Variants in BRPF3 observed in about 807,000 individuals in gnomAD.
The protein encoded by BRPF3 is bromodomain and PHD finger containing 3, also known as bromodomain and PHD finger-containing protein 3.
A neutral mutation model predicts 102.0 loss-of-function variants in BRPF3; 18 were observed. The ratio of observed to expected loss-of-function variants is 0.18; its 90% CI spans 0.12 to 0.26. The LOEUF is 0.26. BRPF3 is among the 10% of genes least tolerant of loss of function. BRPF3 has a pLI of 1.00. For synonymous variants in BRPF3, 570 were observed against 614.2 expected (o/e 0.93, Z 1.06); for missense variants, 1,147 against 1,567.8 (o/e 0.73, Z 4.53).
chr6:36,206,469 CT>C (rs1199382140), intron 3 of BRPF3, among the ~76,000 whole-genome samples: 3 of 152,226 alleles, frequency 2.0e-5, no homozygotes, highest in Admixed American at 2.0e-4. Context: ...AGTTAAGGCT[CT>C]TTTGCCTTAC....
At chr6:36,223,712 C>T (rs1022740081) in intron 10 of BRPF3, among the ~76,000 whole-genome samples, 1 of 152,070 alleles carries the variant, frequency 6.6e-6, no homozygotes, top group Non-Finnish European at 1.5e-5. Context: ...CTTAACCATT[C>T]TATTGTTAGG....
rs756882370 is a variant in BRPF3 at position 36,210,356 on chromosome 6, T to C, written c.2007T>C (p.Asn669=). 9.9e-6 allele frequency: 16 copies of C among 1,614,056 alleles called. No homozygotes were observed. In the East Asian group the frequency reaches 3.6e-4, roughly 36 times the overall value. Residue 669 remains asparagine (N), a synonymous_variant, in exon 6 of 13, where the codon AAT becomes AAC. Transcript: ENST00000357641. This position sits in a 1 kb window ranked among gnomAD's most constrained non-coding sequence, Gnocchi z 4.7. ...TAGTTACCAACTGCATGAAGTATAA[T>C]GCTAAAGACACAATTTTCCACCGAG... is the stretch of plus-strand genomic sequence containing the variant. The part of the protein sequence containing the change: ...NLIVTNCMKY[N]AKDTIFHRAA...
Position 36,210,825 on chromosome 6 carries a change from C to T in BRPF3, c.2179+297C>T, listed in dbSNP as rs1768079544. Among the ~76,000 whole-genome samples, 3 of 152,320 alleles carry T rather than the reference C, an allele frequency of 2.0e-5. 1 individual carries two copies. The highest frequency in any genetic ancestry group is 4.4e-5 in the Non-Finnish European group (3 of 68,022). On this transcript the variant is annotated intron_variant, in intron 6 of 12. Coordinates refer to ENST00000357641, the MANE Select transcript of BRPF3 (RefSeq NM_015695.3). The surrounding 1 kb of genome is among the most constrained non-coding windows in gnomAD (Gnocchi z 4.7). The stretch of plus-strand genomic sequence containing the variant: ...CCTCTCTTGGATCCCCTCTGTATGG[C>T]ATTGGAGCATGGGACAGGGAGAGTG...
Position 36,209,835 on chromosome 6 carries a change from G to A in BRPF3, c.1786G>A (p.Val596Ile), listed in dbSNP as rs894731127. The A allele has an allele frequency of 3.7e-6, 6 of 1,614,100 alleles. No individual in the cohort carries two copies. Among genetic ancestry groups the A allele is most frequent in the African/African-American group, 2.7e-5 (2 of 74,938 alleles). Residue 596 changes from valine (V) to isoleucine (I), a missense_variant, in exon 5 of 13, where the codon GTT becomes ATT. By Grantham distance (29) the Val-to-Ile change is conservative. Around this residue, in one of 11 missense-constraint regions of BRPF3, gnomAD observed 44 missense variants for 38.6 expected, o/e 1.14. Coordinates refer to ENST00000357641, the MANE Select transcript of BRPF3 (RefSeq NM_015695.3). ...AMELELMPFN[V>I]LLRTTLDLLQ... The stretch of plus-strand genomic sequence containing the variant: ...GGAGCTGGAGCTGATGCCATTCAAT[G>A]TTCTGTTGAGGACAACACTGGACCT...
In BRPF3 at chr6:36,218,065, C is replaced by G; in HGVS notation, c.3083+55C>G. 3 of 1,455,588 alleles carry G rather than the reference C, an allele frequency of 2.1e-6. No individual in the cohort carries two copies. The East Asian group carries it at 7.1e-5, about 34-fold the overall frequency. 90.2% of individuals were successfully genotyped at this position (1,455,588 alleles called of 1,614,324 possible). ...CAGCTCTGCTACCCCTCCTTTTACT[C>G]TCCATTCAGCTACAGATTGAACCTC... is the stretch of plus-strand genomic sequence containing the variant. On this transcript the variant is annotated intron_variant, in intron 9 of 12. Transcript: ENST00000357641.
intron 1 of BRPF3, 200 bp downstream of exon 1, chr6:36,197,170 AC>A (rs781439110): frequency 2.4e-4 from 36 of 147,056 alleles, no homozygotes; most frequent in African/African-American, 8.6e-4. Context: ...AGAAGCGAGG[AC>A]CCCCTCCCGC....
At chr6:36,206,865 A>G (rs939069005) in intron 3 of BRPF3, among the ~76,000 whole-genome samples, 4 of 151,966 alleles carry the variant, frequency 2.6e-5, no homozygotes, top group Admixed American at 6.5e-5. Context: ...CCTGACTCCA[A>G]CTGTAATTTT....
At chr6:36,197,083 G>A (rs1767518311) in intron 1 of BRPF3, 113 bp downstream of exon 1, 2 of 152,392 alleles carry the variant, frequency 1.3e-5, no homozygotes, top group East Asian at 1.9e-4. Context: ...TCCGAGCAGG[G>A]CGGGGGCGGT....
chr6:36,222,433 C>CT (rs11353386), intron 10 of BRPF3, among the ~76,000 whole-genome samples, 168 bp downstream of exon 10: 2 of 147,462 alleles, frequency 1.4e-5, no homozygotes, highest in Non-Finnish European at 3.0e-5. Flanking sequence ...CAATCATACT[C>CT]TTTTTTTTTT....
chr6:36,201,267 T>C lies in BRPF3; in HGVS notation c.945T>C (p.Asn315=). 1 of 1,614,112 alleles carries C rather than the reference T, an allele frequency of 6.2e-7. No homozygotes were observed. The highest frequency in any genetic ancestry group is 8.5e-7 in the Non-Finnish European group (1 of 1,180,028). ...VFLEPIEGID[N]IPPARWKLTC... ...TGGAACCTATTGAGGGCATTGACAA[T>C]ATCCCGCCTGCCCGCTGGAAACTAA... Residue 315 remains asparagine, a synonymous_variant, in exon 2 of 13, where the codon AAT becomes AAC. Transcript: ENST00000357641. The surrounding 1 kb of genome is among the most constrained non-coding windows in gnomAD (Gnocchi z 5.1).
At chr6:36,206,487 A>G (rs1161088691) in intron 3 of BRPF3, among the ~76,000 whole-genome samples, 7 of 152,168 alleles carry the variant, frequency 4.6e-5, no homozygotes, top group Non-Finnish European at 1.0e-4. Flanking sequence ...TTACATTTGA[A>G]GCTTCTTATT....
Position 36,232,628 on chromosome 6 carries a change from T to A in BRPF3, c.*2019T>A, listed in dbSNP as rs1444165518. The A allele has an allele frequency of 6.5e-6, 1 of 152,682 alleles. No homozygotes were observed. Among genetic ancestry groups the A allele is most frequent in the Admixed American group, 6.5e-5 (1 of 15,280 alleles). 9.5% of individuals were successfully genotyped at this position (152,682 alleles called of 1,614,324 possible). A position where few individuals can be genotyped will look rare whatever the true frequency, so the allele number is the denominator to read the frequency against. On this transcript the variant is annotated 3_prime_UTR_variant, in exon 13 of 13. Coordinates refer to ENST00000357641, the MANE Select transcript of BRPF3 (RefSeq NM_015695.3). ...TGCTCTATTTATTGTAGAGAGTGAC[T>A]TTATTTGCTTTCTAGAATTGTTTAT... is the stretch of plus-strand genomic sequence containing the variant.
intron 1 of BRPF3, chr6:36,197,187 C>T (rs1274579820): frequency 6.6e-6 from 1 of 152,192 alleles, no homozygotes; most frequent in African/African-American, 2.4e-5. Flanking sequence ...CCCGCAGCCG[C>T]CATCTTGTCT....
intron 1 of BRPF3, among the ~76,000 whole-genome samples, chr6:36,199,522 C>T (rs983189068): frequency 6.6e-6 from 1 of 152,318 alleles, no homozygotes; most frequent in Admixed American, 6.5e-5. Flanking sequence ...CACCTCTAGG[C>T]AGGGTCAAGG....
intron 10 of BRPF3, among the ~76,000 whole-genome samples, chr6:36,222,521 A>G (rs1768586970): frequency 6.6e-6 from 1 of 152,068 alleles, no homozygotes; most frequent in South Asian, 2.1e-4. Context: ...AGAGTGTATA[A>G]TGAAAGCTAG....
intron 1 of BRPF3, chr6:36,197,545 C>A (rs1195104750): frequency 6.6e-6 from 1 of 152,150 alleles, no homozygotes; most frequent in Non-Finnish European, 1.5e-5. Flanking sequence ...CTCCTTGTCT[C>A]CTGAGTATCT....
chr6:36,221,881 G>A (rs990913967), intron 9 of BRPF3, among the ~76,000 whole-genome samples: 2 of 152,214 alleles, frequency 1.3e-5, no homozygotes, highest in African/African-American at 4.8e-5. Flanking sequence ...AATGACTGGT[G>A]TGACCTTTCC....
At position 36,217,898 on chromosome 6, in the gene BRPF3, CTG is replaced by C. The variant is rs764534557; in HGVS notation, c.2990-11_2990-10del. 3.7e-5 allele frequency: 59 copies of C among 1,609,630 alleles called. No individual in the cohort carries two copies. The highest frequency in any genetic ancestry group is 4.9e-5 in the Non-Finnish European group (58 of 1,177,054). On this transcript the variant is annotated splice_polypyrimidine_tract_variant and intron_variant, in intron 8 of 12. Transcript: ENST00000357641. ...AGGGGGATTTCTGCACTCAGACTCA[CTG>C]TGTGTGTCCTTGGCAGGCATGACCA...
chr6:36,201,123 G>T lies in BRPF3; in HGVS notation c.801G>T (p.Val267=). Reference sequence around the variant, plus strand: ...GCCTGCAGTCTCCCTCCCGGCCTGTGGATTGCATCCTTTGCCCCAATAAGG... The same window carrying T: ...GCCTGCAGTCTCCCTCCCGGCCTGTTGATTGCATCCTTTGCCCCAATAAGG... The part of the protein sequence containing the change: ...RCCLQSPSRP[V]DCILCPNKGG... The change falls in exon 2 of 13, where the codon GTG becomes GTT. Residue 267 remains valine (V), a synonymous_variant. Transcript: ENST00000357641. The surrounding 1 kb of genome is among the most constrained non-coding windows in gnomAD (Gnocchi z 5.1). The T allele has an allele frequency of 6.2e-7, 1 of 1,614,144 alleles. No individual in the cohort carries two copies. The highest frequency in any genetic ancestry group is 1.1e-5 in the South Asian group (1 of 91,084).
Sources: gnomAD v4.1 joint callset for allele counts (sites outside exome capture counted in the v4.1 genomes callset) on GRCh38, gnomAD v4.1.1 for gene constraint, gnomAD v4.1.1 regional missense constraint, Gnocchi (gnomAD v3.1) non-coding constraint, MANE v1.5 for transcripts, NCBI Gene and HGNC (gene_info 2026-07-23, HGNC 2026-07-21) for gene names.